EPB41L1: variants seen among roughly 807,000 people sequenced by gnomAD.
EPB41L1 encodes erythrocyte membrane protein band 4.1 like 1.
In EPB41L1, 29 loss-of-function variants were observed where a neutral mutation model predicts 97.8. The observed-to-expected ratio is 0.30, with a 90% CI of 0.22 to 0.40. The LOEUF (loss-of-function observed/expected upper bound fraction) is 0.40, where lower values mean the gene tolerates loss of function less well. EPB41L1 is among the 10% of genes least tolerant of loss of function. The probability of loss-of-function intolerance (pLI) is 1.00; values close to 1 mark genes in which losing one functional copy is unlikely to be tolerated. For missense variants in EPB41L1, 812 were observed against 1,162.3 expected (o/e 0.70, Z 4.38); for synonymous variants, 383 against 459.2 (o/e 0.83, Z 2.12).
chr20:36,224,601 G>T (rs781556409), intron 21 of EPB41L1, among the ~76,000 whole-genome samples: 9 of 152,176 alleles, frequency 5.9e-5, no homozygotes, highest in Non-Finnish European at 1.0e-4. Context: ...AGCTGAGATG[G>T]CACTATTGCA....
chr20:36,133,855 C>CA (rs57803389), intron 2 of EPB41L1, among the ~76,000 whole-genome samples: 988 of 75,748 alleles, frequency 0.013, 10 homozygotes, highest in East Asian at 0.037. Flanking sequence ...GAGACCCTGT[C>CA]AAAAAAAAAA....
intron 15 of EPB41L1, among the ~76,000 whole-genome samples, chr20:36,210,752 T>C (rs1461362162): frequency 6.6e-6 from 1 of 152,162 alleles, no homozygotes; most frequent in Non-Finnish European, 1.5e-5. Flanking sequence ...TGCCCTGTAA[T>C]GCCTATGCTC....
At chr20:36,094,328 C>T (rs1012890051) in intron 1 of EPB41L1, among the ~76,000 whole-genome samples, 1 of 152,136 alleles carries the variant, frequency 6.6e-6, no homozygotes, top group Non-Finnish European at 1.5e-5. Context: ...TACCGGGCCA[C>T]GCCATTTTTG....
intron 6 of EPB41L1, among the ~76,000 whole-genome samples, chr20:36,184,895 A>G (rs577371516): frequency 1.3e-5 from 2 of 152,386 alleles, no homozygotes; most frequent in Middle Eastern, 3.4e-3. Context: ...TAGAAAACAA[A>G]TCCCTCAAAT....
intron 1 of EPB41L1, among the ~76,000 whole-genome samples, chr20:36,173,066 G>A (rs2061063377): frequency 6.6e-6 from 1 of 152,190 alleles, no homozygotes. Flanking sequence ...GTTTATCCCA[G>A]AAAGCATTTC....
intron 17 of EPB41L1, among the ~76,000 whole-genome samples, chr20:36,217,424 T>C (rs909554712): frequency 1.3e-5 from 2 of 152,014 alleles, no homozygotes; most frequent in African/African-American, 4.8e-5. Context: ...GAGGAACCAC[T>C]CCTCCTGGAG....
chr20:36,219,885 C>T, intron 19 of EPB41L1, 41 bp downstream of exon 19: 1 of 1,551,094 alleles, frequency 6.4e-7, no homozygotes, highest in Non-Finnish European at 8.9e-7. Flanking sequence ...AGCCGAGCTG[C>T]AGGCGAGAAG....
chr20:36,114,800 G>A (rs1206298233), intron 2 of EPB41L1, among the ~76,000 whole-genome samples: 1 of 152,146 alleles, frequency 6.6e-6, no homozygotes, highest in Admixed American at 6.6e-5. Context: ...ACTCTGAGTG[G>A]TTCAATCACT....
Position 36,190,500 on chromosome 20 carries a change from C to T in EPB41L1, c.1125-122C>T. 1 of 1,540,344 alleles carries T rather than the reference C, an allele frequency of 6.5e-7. No individual in the cohort carries two copies. The highest frequency in any genetic ancestry group is 8.9e-7 in the Non-Finnish European group (1 of 1,123,596). ...ACCCTTTCCCCAAGTCCCTCCCTTC[C>T]TGGACCACTTTGAATTGTTGTAGTT... On this transcript the variant is annotated intron_variant, in intron 10 of 21. Transcript: ENST00000338074. This position sits in a 1 kb window ranked among gnomAD's most constrained non-coding sequence, Gnocchi z 5.8.
At chr20:36,186,574 T>A (rs1370426651) in intron 7 of EPB41L1, among the ~76,000 whole-genome samples, 2 of 152,054 alleles carry the variant, frequency 1.3e-5, no homozygotes, top group Non-Finnish European at 2.9e-5. Flanking sequence ...TGTGGTGTTG[T>A]GTTGAGTAGG....
Position 36,163,868 on chromosome 20 carries a change from A to AT in EPB41L1, c.-15+8982dup, listed in dbSNP as rs59347466. On this transcript the variant is annotated intron_variant, in intron 1 of 21. Coordinates refer to ENST00000338074, the MANE Select transcript of EPB41L1 (RefSeq NM_012156.2). ...TCCTGCCAGTGCCTTCTTCTTTATT[A>AT]TTTTTTTTTTAAGACAGAGTCTCTG... Among the ~76,000 whole-genome samples, 486 of 149,766 alleles carry AT rather than the reference A, an allele frequency of 3.2e-3. 2 individuals carry two copies. The highest frequency in any genetic ancestry group is 4.8e-3 in the Non-Finnish European group (323 of 67,084).
At chr20:36,115,063 A>G (rs2147623596) in intron 2 of EPB41L1, among the ~76,000 whole-genome samples, 1 of 152,334 alleles carries the variant, frequency 6.6e-6, no homozygotes, top group East Asian at 1.9e-4. Context: ...ATGTGCATTG[A>G]ATTACTCTCC....
At chr20:36,162,064 T>C (rs1252660920) in intron 1 of EPB41L1, among the ~76,000 whole-genome samples, 3 of 152,232 alleles carry the variant, frequency 2.0e-5, no homozygotes, top group Admixed American at 2.0e-4. Flanking sequence ...ACACCCTGCC[T>C]ATCTCATTTA....
rs368439047 is a variant in EPB41L1, at chr20:36,195,783, C to T, written c.1485+419C>T. The stretch of plus-strand genomic sequence containing the variant: ...TGCCCGACAGCACTGTTTGGTCTCG[C>T]CTCCATCTCGTCTGTGTCCCCTGTG... On this transcript the variant is annotated intron_variant, in intron 13 of 21. Coordinates refer to ENST00000338074, the MANE Select transcript of EPB41L1 (RefSeq NM_012156.2). This position sits in a 1 kb window ranked among gnomAD's most constrained non-coding sequence, Gnocchi z 4.6. Among the ~76,000 whole-genome samples the T allele has an allele frequency of 2.0e-5, 3 of 152,158 alleles. No individual in the cohort carries two copies. Among genetic ancestry groups the T allele is most frequent in the African/African-American group, 7.2e-5 (3 of 41,424 alleles).
chr20:36,192,973 C>T (rs79102969), intron 11 of EPB41L1, among the ~76,000 whole-genome samples: 4,165 of 152,288 alleles, frequency 0.027, 82 homozygotes, highest in South Asian at 0.067. Context: ...GACTCCTGTG[C>T]ATGTTTGAAA....
Position 36,093,787 on chromosome 20 carries a change from G to C in EPB41L1, c.-65+2175G>C, listed in dbSNP as rs1380921504. ...TAGCAACAGCAGTTTCCAGGCTGGT[G>C]ACCAGCCGGTTCAGGGATTCATTTC... is the stretch of plus-strand genomic sequence containing the variant. On this transcript the variant is annotated intron_variant, in intron 1 of 19. Transcript: ENST00000202028. The surrounding 1 kb of genome is among the most constrained non-coding windows in gnomAD (Gnocchi z 5.4). 6.6e-6 allele frequency among the ~76,000 whole-genome samples: 1 copy of C among 152,108 alleles called. No individual in the cohort carries two copies. Among genetic ancestry groups the C allele is most frequent in the Non-Finnish European group, 1.5e-5 (1 of 67,994 alleles).
In EPB41L1 at chr20:36,192,431, C is replaced by T. The variant is rs1038774668; in HGVS notation, c.1300+1634C>T. 6.1e-5 allele frequency among the ~76,000 whole-genome samples: 9 copies of T among 147,802 alleles called. No individual in the cohort carries two copies. In the Admixed American group the frequency reaches 6.3e-4, roughly 10 times the overall value. Reference sequence around the variant, plus strand: ...CTGTAGTCCCAGCTACTCGGGAGCTCAGGCAGGAGAATCACTTGAACCCGG... The same window carrying T: ...CTGTAGTCCCAGCTACTCGGGAGCTTAGGCAGGAGAATCACTTGAACCCGG... On this transcript the variant is annotated intron_variant, in intron 11 of 21. Coordinates refer to ENST00000338074, the MANE Select transcript of EPB41L1 (RefSeq NM_012156.2).
Position 36,177,992 on chromosome 20 carries a change from A to G in EPB41L1, c.383A>G (p.Glu128Gly). Residue 128 changes from glutamate (E) to glycine (G), a missense_variant, in exon 4 of 22, where the codon GAA becomes GGA. Glu to Gly is a moderately conservative substitution (Grantham distance 98). Transcript: ENST00000338074. ...RGQVLFDLVC[E>G]HLNLLEKDYF... is the part of the protein sequence containing the mutation. ...CAGGTGCTGTTTGACCTGGTCTGTG[A>G]ACACCTCAACCTCCTAGAGAAGGAC... 6.2e-7 allele frequency: 1 copy of G among 1,614,160 alleles called. No individual in the cohort carries two copies.
chr20:36,092,808 C>G lies in EPB41L1; in HGVS notation c.-65+1196C>G, dbSNP rs967312554. On this transcript the variant is annotated intron_variant, in intron 1 of 19. Transcript: ENST00000202028. This position sits in a 1 kb window ranked among gnomAD's most constrained non-coding sequence, Gnocchi z 7.0. ...CAGCTCCCGGAAGCCGCGCCGCCGCCGCCAGGTTAGCCGCACCCGCCGTCC... is the reference window on the plus strand; with the variant it reads ...CAGCTCCCGGAAGCCGCGCCGCCGCGGCCAGGTTAGCCGCACCCGCCGTCC... 6.5e-6 allele frequency: 1 copy of G among 152,826 alleles called. No homozygotes were observed. Among genetic ancestry groups the G allele is most frequent in the Non-Finnish European group, 1.5e-5 (1 of 68,246 alleles). The allele number at this position is 152,826 out of a possible 1,614,324, so 9.5% of individuals were successfully genotyped here.
Sources: allele counts gnomAD v4.1 joint callset (sites outside exome capture counted in the v4.1 genomes callset), GRCh38; gene constraint gnomAD v4.1.1; non-coding constraint Gnocchi (gnomAD v3.1); transcripts MANE v1.5; gene names NCBI Gene and HGNC (gene_info 2026-07-23, HGNC 2026-07-21).